KPNA4: variants seen among roughly 807,000 people sequenced by gnomAD.
The protein encoded by KPNA4 is karyopherin subunit alpha 4, also known as importin subunit alpha-3.
A neutral mutation model predicts 71.3 loss-of-function variants in KPNA4; 13 were observed. The ratio of observed to expected loss-of-function variants is 0.18; its 90% confidence interval spans 0.12 to 0.29. The LOEUF (loss-of-function observed/expected upper bound fraction) is 0.29. Among genes scored for constraint, KPNA4 ranks in the 10% least tolerant of loss-of-function variants. The pLI is 1.00. For missense variants in KPNA4, 334 were observed against 603.2 expected (o/e 0.55, Z 4.67); for synonymous variants, 189 against 195.2 (o/e 0.97, Z 0.26).
chr3:160,538,371 T>C (rs932362529), intron 1 of KPNA4, among the ~76,000 whole-genome samples: 16 of 152,092 alleles, frequency 1.1e-4, no homozygotes, highest in East Asian at 1.9e-4. Context: ...GTGATTTTTA[T>C]TGGTGGTAAC....
intron 15 of KPNA4, among the ~76,000 whole-genome samples, chr3:160,506,821 A>G (rs1720992724): frequency 6.6e-6 from 1 of 152,200 alleles, no homozygotes; most frequent in Non-Finnish European, 1.5e-5. Context: ...TCCTAACTCG[A>G]CAGTTATAGA....
intron 7 of KPNA4, among the ~76,000 whole-genome samples, chr3:160,530,330 T>A (rs1302677247): frequency 6.6e-6 from 1 of 151,586 alleles, no homozygotes; most frequent in Non-Finnish European, 1.5e-5. Context: ...ATTACAAAAA[T>A]TAGCTAGGCA....
chr3:160,504,251 A>G (rs1364528815), intron 16 of KPNA4, among the ~76,000 whole-genome samples: 1 of 152,192 alleles, frequency 6.6e-6, no homozygotes, highest in East Asian at 1.9e-4. Flanking sequence ...AAAATGTTTA[A>G]TAACATTCTA....
In KPNA4 at chr3:160,536,696, C is replaced by A. The variant is rs41272965; in HGVS notation, c.114+100G>T. The A allele has an allele frequency of 8.6e-3, 5,305 of 619,994 alleles. 29 individuals are homozygous for A. Among genetic ancestry groups the A allele is most frequent in the Non-Finnish European group, 0.012 (4,596 of 369,580 alleles). 38.4% of individuals were successfully genotyped at this position (619,994 alleles called of 1,614,324 possible). A position where few individuals can be genotyped will look rare whatever the true frequency, so the allele number is the denominator to read the frequency against. On this transcript the variant is annotated intron_variant, in intron 2 of 16. Coordinates refer to ENST00000334256, the MANE Select transcript of KPNA4 (RefSeq NM_002268.5). ...AAATTTAGTTATACAATAGGTTATA[C>A]ATTTTACCTAAAAACATAATATATA...
At chr3:160,540,278 C>T (rs941252606) in intron 1 of KPNA4, among the ~76,000 whole-genome samples, 2 of 152,042 alleles carry the variant, frequency 1.3e-5, no homozygotes, top group African/African-American at 2.4e-5. Flanking sequence ...GGATTACAAG[C>T]GTGAGCCACC....
intron 1 of KPNA4, among the ~76,000 whole-genome samples, chr3:160,546,446 C>A (rs113288985): frequency 2.0e-5 from 3 of 151,890 alleles, no homozygotes; most frequent in Non-Finnish European, 4.4e-5. Context: ...TGAACCCAGG[C>A]GGCCGAGGTT....
chr3:160,529,808 AG>A (rs1429324415), intron 7 of KPNA4, among the ~76,000 whole-genome samples: 2 of 152,122 alleles, frequency 1.3e-5, no homozygotes, highest in Non-Finnish European at 2.9e-5. Context: ...TCTTTCAACT[AG>A]GACTACTTTA....
chr3:160,564,427 A>G (rs1722299798), intron 1 of KPNA4: 1 of 152,210 alleles, frequency 6.6e-6, no homozygotes, highest in Non-Finnish European at 1.5e-5. Context: ...CTTTATATGT[A>G]AGAATGCAGC....
rs535927530 is a variant in KPNA4, at chr3:160,508,381, A to C, written c.1210-112T>G. 111 of 675,056 alleles carry C rather than the reference A, an allele frequency of 1.6e-4. No homozygotes were observed. In the African/African-American group the frequency reaches 2.0e-3, roughly 12 times the overall value. The allele number at this position is 675,056 out of a possible 1,614,324, so 41.8% of individuals were successfully genotyped here. ...ATTTCGAGTATAGAAATATGACCTC[A>C]TCTCTCTCATGTTAAGTGTGCCCAC... is the stretch of plus-strand genomic sequence containing the variant. On this transcript the variant is annotated intron_variant, in intron 14 of 16. Coordinates refer to ENST00000334256, the MANE Select transcript of KPNA4 (RefSeq NM_002268.5).
intron 14 of KPNA4, 56 bp from the exon 15 acceptor site, chr3:160,508,325 G>A: frequency 7.9e-7 from 1 of 1,261,616 alleles, no homozygotes; most frequent in South Asian, 1.5e-5. Flanking sequence ...TGTGTGCCAT[G>A]TTATCTCACT....
chr3:160,555,722 T>G (rs1270912418), intron 1 of KPNA4, among the ~76,000 whole-genome samples: 1 of 152,198 alleles, frequency 6.6e-6, no homozygotes, highest in East Asian at 1.9e-4. Flanking sequence ...TACTTCATTT[T>G]ATAGCGGAAC....
intron 12 of KPNA4, chr3:160,514,906 T>C (rs189439850): frequency 1.5e-4 from 79 of 512,478 alleles, no homozygotes; most frequent in African/African-American, 4.6e-4. Flanking sequence ...ACTAGGCTCT[T>C]TTGGATCAGA....
rs1720817416 is a variant in KPNA4 at position 160,498,728 on chromosome 3, C to G, written c.*3376G>C. The stretch of plus-strand genomic sequence containing the variant: ...TGCCATATGTGCATAAAAGAGGACC[C>G]CCTAGCTTCAGATAAGACTGCAGCT... On this transcript the variant is annotated 3_prime_UTR_variant, in exon 17 of 17. Coordinates refer to ENST00000334256, the MANE Select transcript of KPNA4 (RefSeq NM_002268.5). 6.6e-6 allele frequency: 1 copy of G among 152,160 alleles called. No individual in the cohort carries two copies. The highest frequency in any genetic ancestry group is 2.4e-5 in the African/African-American group (1 of 41,422). The allele number at this position is 152,160 out of a possible 1,614,324, so 9.4% of individuals were successfully genotyped here.
chr3:160,502,014 A>C lies in KPNA4; in HGVS notation c.*90T>G. The C allele has an allele frequency of 2.8e-6, 1 of 359,612 alleles. No individual in the cohort carries two copies. Among genetic ancestry groups the C allele is most frequent in the Non-Finnish European group, 4.8e-6 (1 of 208,996 alleles). 22.3% of individuals were successfully genotyped at this position (359,612 alleles called of 1,614,324 possible). ...CAAGCTTGATGGATCAAACCTTTTTATATATATGTATATATATATATATAT... is the reference window on the plus strand; with the variant it reads ...CAAGCTTGATGGATCAAACCTTTTTCTATATATGTATATATATATATATAT... On this transcript the variant is annotated 3_prime_UTR_variant, in exon 17 of 17. Coordinates refer to ENST00000334256, the MANE Select transcript of KPNA4 (RefSeq NM_002268.5).
intron 11 of KPNA4, among the ~76,000 whole-genome samples, chr3:160,519,926 G>A (rs537787796): frequency 1.1e-3 from 160 of 152,016 alleles, no homozygotes; most frequent in Non-Finnish European, 2.1e-3. Context: ...AAAGCTACAT[G>A]GGGTTCCATT....
intron 11 of KPNA4, among the ~76,000 whole-genome samples, chr3:160,517,566 T>C (rs1039493331): frequency 2.0e-5 from 3 of 152,060 alleles, no homozygotes; most frequent in African/African-American, 7.3e-5. Flanking sequence ...GGCTGTACCA[T>C]TTTATATTCT....
At chr3:160,503,277 A>G (rs1224041307) in intron 16 of KPNA4, among the ~76,000 whole-genome samples, 1 of 152,252 alleles carries the variant, frequency 6.6e-6, no homozygotes, top group African/African-American at 2.4e-5. Flanking sequence ...GGCTTAAAAT[A>G]GTAAAATACA....
In KPNA4 at chr3:160,511,714, T is replaced by TTATATATATA. The variant is rs10666878; in HGVS notation, c.1138-1853_1138-1844dup. 7.0e-3 allele frequency among the ~76,000 whole-genome samples: 1,030 copies of TTATATATATA among 146,512 alleles called. 13 individuals are homozygous for TTATATATATA. Among genetic ancestry groups the TTATATATATA allele is most frequent in the African/African-American group, 0.023 (934 of 40,362 alleles). Reference sequence around the variant, plus strand: ...CAGGGGCAATACGGCTTTGTTATTTTTATATATATATATATAAATATATTT... The same window carrying TTATATATATA: ...CAGGGGCAATACGGCTTTGTTATTTTTATATATATATATATATATATATATAAATATATTT... On this transcript the variant is annotated intron_variant, in intron 13 of 16. Coordinates refer to ENST00000334256, the MANE Select transcript of KPNA4 (RefSeq NM_002268.5).
At chr3:160,556,535 T>C (rs1264009766) in intron 1 of KPNA4, among the ~76,000 whole-genome samples, 2 of 152,220 alleles carry the variant, frequency 1.3e-5, no homozygotes, top group African/African-American at 2.4e-5. Context: ...GTATCCCTTA[T>C]GTGAAATGCT....
Sources: gnomAD v4.1 joint callset for allele counts (sites outside exome capture counted in the v4.1 genomes callset) on GRCh38, gnomAD v4.1.1 for gene constraint, MANE v1.5 for transcripts, NCBI Gene and HGNC (gene_info 2026-07-23, HGNC 2026-07-21) for gene names.